Variants in ARB2A observed in about 807,000 individuals in gnomAD.
ARB2A encodes ARB2 cotranscriptional regulator A.
the ARB2A span, among the ~76,000 whole-genome samples, chr5:93,658,445 G>C: frequency 6.6e-6 from 1 of 152,024 alleles, no homozygotes; most frequent in Non-Finnish European, 1.5e-5. Context: ...GCCATTGTTA[G>C]TCTATGTTTC....
At chr5:93,708,466 GGGGAT>G in the ARB2A span, among the ~76,000 whole-genome samples, 1 of 152,248 alleles carries the variant, frequency 6.6e-6, no homozygotes, top group East Asian at 1.9e-4. Flanking sequence ...ATGGGGAGTG[GGGGAT>G]GGTTTCAGGA....
chr5:93,824,368 C>T, the ARB2A span: 1 of 714,642 alleles, frequency 1.4e-6, no homozygotes, highest in Non-Finnish European at 2.1e-6. Flanking sequence ...ATATGAAATA[C>T]AATGGTTATA....
chr5:93,622,666 A>C, the ARB2A span, among the ~76,000 whole-genome samples: 1 of 152,182 alleles, frequency 6.6e-6, no homozygotes, highest in Non-Finnish European at 1.5e-5. Context: ...CTTGAATTTG[A>C]AACTAAGACC....
the ARB2A span, among the ~76,000 whole-genome samples, chr5:93,673,699 C>T: frequency 2.0e-5 from 3 of 152,206 alleles, no homozygotes; most frequent in East Asian, 1.9e-4. Flanking sequence ...TTAGGTTTGT[C>T]ATTATTTCCT....
At chr5:93,736,946 T>C in the ARB2A span, 1 of 152,146 alleles carries the variant, frequency 6.6e-6, no homozygotes, top group Non-Finnish European at 1.5e-5. Flanking sequence ...ACTACACATT[T>C]TTGCCAGAGC....
chr5:93,944,711 A>C, the ARB2A span, among the ~76,000 whole-genome samples: 1 of 152,050 alleles, frequency 6.6e-6, no homozygotes, highest in Non-Finnish European at 1.5e-5. Context: ...AAAAGACAGA[A>C]AGAGATGAAA....
chr5:93,770,205 C>A, the ARB2A span, among the ~76,000 whole-genome samples: 44 of 152,130 alleles, frequency 2.9e-4, no homozygotes, highest in Non-Finnish European at 5.0e-4. Flanking sequence ...TGTGCAACCA[C>A]CTGCTGTGCA....
the ARB2A span, among the ~76,000 whole-genome samples, chr5:93,802,858 C>T: frequency 6.6e-6 from 1 of 151,974 alleles, no homozygotes; most frequent in Non-Finnish European, 1.5e-5. Context: ...TTTAAAGAAG[C>T]ATAATGATGG....
chr5:93,698,195 G>A, the ARB2A span, among the ~76,000 whole-genome samples: 4 of 152,088 alleles, frequency 2.6e-5, no homozygotes, highest in Non-Finnish European at 5.9e-5. Context: ...GATTTTCCTT[G>A]AATAGTAATT....
chr5:93,860,660 TC>T, the ARB2A span: 1,831 of 126,676 alleles, frequency 0.014, 84 homozygotes, highest in African/African-American at 0.043. Flanking sequence ...TTTTTTTTTT[TC>T]TTTTTTTGTT....
chr5:94,038,968 A>G, the ARB2A span, among the ~76,000 whole-genome samples: 5 of 152,170 alleles, frequency 3.3e-5, no homozygotes, highest in African/African-American at 1.2e-4. Context: ...ATACTCTCCT[A>G]TGATGATCAA....
the ARB2A span, among the ~76,000 whole-genome samples, chr5:93,709,613 A>C: frequency 1.8e-4 from 25 of 136,904 alleles, no homozygotes; most frequent in South Asian, 2.5e-4. Flanking sequence ...AGCCTGGGTG[A>C]CAGGGTGAGA....
At chr5:94,104,262 C>T in the ARB2A span, among the ~76,000 whole-genome samples, 3,230 of 148,710 alleles carry the variant, frequency 0.022, 107 homozygotes, top group African/African-American at 0.075. Flanking sequence ...ACTAGCTAGA[C>T]AAATAAAGAA....
chr5:93,840,353 C>A, the ARB2A span, among the ~76,000 whole-genome samples: 2 of 152,110 alleles, frequency 1.3e-5, no homozygotes, highest in Non-Finnish European at 2.9e-5. Flanking sequence ...ATATAGCTGA[C>A]AAACGATAAA....
chr5:93,741,380 T>C, the ARB2A span: 1 of 1,612,510 alleles, frequency 6.2e-7, no homozygotes, highest in African/African-American at 1.3e-5. Context: ...AGGGGAATCC[T>C]CCACACGTCA....
the ARB2A span, among the ~76,000 whole-genome samples, chr5:93,704,831 G>A: frequency 5.9e-5 from 9 of 152,202 alleles, no homozygotes; most frequent in African/African-American, 2.2e-4. Context: ...TTGAGAATAT[G>A]AGAAGAGCTA....
chr5:94,090,859 T>C, the ARB2A span, among the ~76,000 whole-genome samples: 2 of 152,232 alleles, frequency 1.3e-5, no homozygotes. Flanking sequence ...CAGCCTTGCA[T>C]CCCATATCAT....
At chr5:93,782,841 A>C in the ARB2A span, among the ~76,000 whole-genome samples, 4 of 152,160 alleles carry the variant, frequency 2.6e-5, no homozygotes, top group African/African-American at 9.6e-5. Context: ...AAACTCTTCA[A>C]ATTGCTTCCC....
chr5:94,090,177 T>G, the ARB2A span, among the ~76,000 whole-genome samples: 1 of 152,222 alleles, frequency 6.6e-6, no homozygotes, highest in Non-Finnish European at 1.5e-5. Context: ...TTTTTCCATT[T>G]GTTTGTGTCC....
Sources: gnomAD v4.1 joint callset for allele counts (sites outside exome capture counted in the v4.1 genomes callset) on GRCh38, gnomAD v4.1.1 for gene constraint, MANE v1.5 for transcripts, NCBI Gene and HGNC (gene_info 2026-07-23, HGNC 2026-07-21) for gene names.